Variants in RAPGEF5 observed in about 807,000 individuals in gnomAD.
RAPGEF5 encodes Rap guanine nucleotide exchange factor 5.
In RAPGEF5, 65 loss-of-function variants were observed where a neutral mutation model predicts 125.2. That is an observed-to-expected ratio of 0.52 (90% confidence interval 0.43 to 0.64). RAPGEF5 has a LOEUF of 0.64. Among genes scored for constraint, RAPGEF5 ranks in the 30% least tolerant of loss-of-function variants. The probability of loss-of-function intolerance (pLI) is 0.00; values close to 1 mark genes in which losing one functional copy is unlikely to be tolerated. For synonymous variants in RAPGEF5, 391 were observed against 385.9 expected (o/e 1.01, Z -0.16); for missense variants, 958 against 1,048.1 (o/e 0.91, Z 1.19).
Position 22,291,242 on chromosome 7 carries a change from C to CT in RAPGEF5, c.681-2dup. ...GGAGTCTTCAATTTTCTGATGAGAC[C>CT]TAAAAAAAAAAAAAAGAACAAATTA... is the stretch of plus-strand genomic sequence containing the variant. On this transcript the variant is annotated splice_acceptor_variant, in intron 5 of 25. Transcript: ENST00000665637. LOFTEE classifies it high-confidence loss of function. The CT allele has an allele frequency of 6.6e-7, 1 of 1,511,300 alleles. No homozygotes were observed. The highest frequency in any genetic ancestry group is 8.8e-7 in the Non-Finnish European group (1 of 1,136,122). The allele number at this position is 1,511,300 out of a possible 1,614,324, so 93.6% of individuals were successfully genotyped here. A position where few individuals can be genotyped will look rare whatever the true frequency, so the allele number is the denominator to read the frequency against.
intron 7 of RAPGEF5, among the ~76,000 whole-genome samples, chr7:22,258,349 G>A (rs889209698): frequency 2.6e-5 from 4 of 152,114 alleles, no homozygotes; most frequent in Non-Finnish European, 4.4e-5. Context: ...GGCCAGGTAC[G>A]GTGGCTCACG....
At chr7:22,347,554 G>A (rs946855679) in intron 1 of RAPGEF5, among the ~76,000 whole-genome samples, 19 of 151,780 alleles carry the variant, frequency 1.3e-4, no homozygotes, top group African/African-American at 2.4e-4. Context: ...TTTTGAAAGT[G>A]TCAAAATGAA....
intron 7 of RAPGEF5, among the ~76,000 whole-genome samples, chr7:22,259,272 T>C (rs1265730560): frequency 6.6e-6 from 1 of 152,170 alleles, no homozygotes; most frequent in Non-Finnish European, 1.5e-5. Flanking sequence ...CATTAGGGAA[T>C]TGTGAATGAA....
At chr7:22,259,944 T>A (rs527587731) in intron 7 of RAPGEF5, among the ~76,000 whole-genome samples, 61 of 151,126 alleles carry the variant, frequency 4.0e-4, no homozygotes, top group African/African-American at 1.5e-3. Context: ...ATTACCCGGG[T>A]GTGGTGGCAG....
intron 7 of RAPGEF5, among the ~76,000 whole-genome samples, chr7:22,232,399 T>C (rs1490432206): frequency 6.7e-6 from 1 of 150,150 alleles, no homozygotes; most frequent in East Asian, 2.0e-4. Flanking sequence ...CACTGCAACC[T>C]CCACCTCCCG....
intron 1 of RAPGEF5, among the ~76,000 whole-genome samples, chr7:22,343,420 G>A (rs547461036): frequency 6.6e-6 from 1 of 152,236 alleles, no homozygotes; most frequent in South Asian, 2.1e-4. Flanking sequence ...CTAAAGAATT[G>A]TAACAACAGA....
intron 5 of RAPGEF5, among the ~76,000 whole-genome samples, chr7:22,305,453 C>G (rs530179427): frequency 6.6e-6 from 1 of 151,938 alleles, no homozygotes; most frequent in African/African-American, 2.4e-5. Flanking sequence ...TATATATTTA[C>G]GGGGTACATG....
In RAPGEF5 at chr7:22,295,070, T is replaced by A. The variant is rs1017913453; in HGVS notation, c.681-3829A>T. On this transcript the variant is annotated intron_variant, in intron 5 of 25. Coordinates refer to ENST00000665637, the MANE Select transcript of RAPGEF5 (RefSeq NM_012294.5). ...ATAAATGAAAGTTTGTATGCTTTGA[T>A]CAACATCTCCCCATTTCCCCTACCC... Among the ~76,000 whole-genome samples the A allele has an allele frequency of 7.2e-5, 11 of 152,318 alleles. No homozygotes were observed. The South Asian group carries it at 2.3e-3, about 32-fold the overall frequency.
chr7:22,158,031 T>A, intron 14 of RAPGEF5, 146 bp from the exon 15 acceptor site: 1 of 704,164 alleles, frequency 1.4e-6, no homozygotes, highest in Non-Finnish European at 2.4e-6. Flanking sequence ...ATTCACTATG[T>A]ACAACACATT....
chr7:22,147,157 T>C (rs879524672), intron 18 of RAPGEF5, 138 bp from the exon 19 acceptor site: 19 of 1,172,042 alleles, frequency 1.6e-5, no homozygotes, highest in Non-Finnish European at 2.1e-5. Flanking sequence ...CCCTGGTCTG[T>C]TCACCTTCAG....
At chr7:22,240,864 A>G (rs1786313715) in intron 7 of RAPGEF5, among the ~76,000 whole-genome samples, 1 of 152,206 alleles carries the variant, frequency 6.6e-6, no homozygotes, top group African/African-American at 2.4e-5. Context: ...TTAAATTGTA[A>G]AAGATTTATT....
intron 7 of RAPGEF5, among the ~76,000 whole-genome samples, chr7:22,235,651 T>G (rs146679687): frequency 2.0e-4 from 30 of 152,314 alleles, no homozygotes; most frequent in African/African-American, 6.5e-4. Context: ...AACACCATAG[T>G]GTTTCCAGGC....
chr7:22,217,732 A>G (rs1366451720), intron 9 of RAPGEF5, among the ~76,000 whole-genome samples: 1 of 152,212 alleles, frequency 6.6e-6, no homozygotes, highest in African/African-American at 2.4e-5. Context: ...CATAATTCCA[A>G]TGTTTATTTA....
At position 22,272,324 on chromosome 7, in the gene RAPGEF5, C is replaced by G. The variant is rs1211318012; in HGVS notation, c.748-5312G>C. Among the ~76,000 whole-genome samples the G allele has an allele frequency of 3.7e-5, 4 of 108,684 alleles. No homozygotes were observed. The South Asian group carries it at 8.6e-4, about 23-fold the overall frequency. The allele number at this position is 108,684 out of a possible 152,430, so 71.3% of individuals were successfully genotyped here. ...CGCCATTGCACTTCAGCCTGGGCAA[C>G]AGAGCAAGACTCCGTCTCAAAAAAA... On this transcript the variant is annotated intron_variant, in intron 6 of 25. Coordinates refer to ENST00000665637, the MANE Select transcript of RAPGEF5 (RefSeq NM_012294.5).
At chr7:22,274,542 C>T (rs1393612825) in intron 6 of RAPGEF5, among the ~76,000 whole-genome samples, 1 of 151,912 alleles carries the variant, frequency 6.6e-6, no homozygotes, top group Admixed American at 6.6e-5. Context: ...GTTGCCCAGA[C>T]TGGTCTTAAA....
At chr7:22,161,537 A>AACACACACACACACACACAC (rs369030719) in intron 13 of RAPGEF5, among the ~76,000 whole-genome samples, 54 of 136,116 alleles carry the variant, frequency 4.0e-4, no homozygotes, top group African/African-American at 9.9e-4. Context: ...ACCCTGTCTC[A>AACACACACACACACACACAC]ACACACACAC....
chr7:22,294,840 T>C (rs1783022875), intron 5 of RAPGEF5, among the ~76,000 whole-genome samples: 1 of 152,370 alleles, frequency 6.6e-6, no homozygotes, highest in East Asian at 1.9e-4. Context: ...CATGTCCCTC[T>C]ACTCAAAATC....
Position 22,315,440 on chromosome 7 carries a change from A to G in RAPGEF5, c.319T>C (p.Leu107=), listed in dbSNP as rs75517670. The G allele has an allele frequency of 2.7e-4, 413 of 1,524,396 alleles. 3 individuals carry two copies. In the East Asian group the frequency reaches 7.8e-3, roughly 29 times the overall value. The allele number at this position is 1,524,396 out of a possible 1,614,324, so 94.4% of individuals were successfully genotyped here. ...GENSSCAGRA[L]RNIIIVQAAD... ...GCTTGAACGATAATAATATTCCTCA[A>G]TGCTCTTCCTGCACAAGAAGAATTC... is the stretch of plus-strand genomic sequence containing the variant. The change falls in exon 3 of 26, where the codon TTG becomes CTG. Residue 107 remains leucine, a synonymous_variant. Transcript: ENST00000665637.
At chr7:22,182,057 A>G (rs1003094116) in intron 11 of RAPGEF5, among the ~76,000 whole-genome samples, 56 of 152,316 alleles carry the variant, frequency 3.7e-4, no homozygotes, top group South Asian at 8.3e-4. Flanking sequence ...ATTGCCATCC[A>G]CTAATACTCC....
Sources: allele counts gnomAD v4.1 joint callset (sites outside exome capture counted in the v4.1 genomes callset), GRCh38; gene constraint gnomAD v4.1.1; transcripts MANE v1.5; gene names NCBI Gene and HGNC (gene_info 2026-07-23, HGNC 2026-07-21).